DOCK9: variants seen among roughly 807,000 people sequenced by gnomAD.
DOCK9 encodes the protein dedicator of cytokinesis 9, also known as dedicator of cytokinesis protein 9.
Under a neutral mutation model 263.3 loss-of-function variants are expected in DOCK9, and 89 were observed. The observed-to-expected ratio is 0.34, with a 90% CI of 0.28 to 0.40. The LOEUF (loss-of-function observed/expected upper bound fraction) is 0.40. Ranked by LOEUF, DOCK9 falls within the 10% of genes least tolerant of loss-of-function variation. The probability of loss-of-function intolerance (pLI) is 1.00; values close to 1 mark genes in which losing one functional copy is unlikely to be tolerated. For synonymous variants in DOCK9, 976 were observed against 973.1 expected (o/e 1.00, Z -0.06); for missense variants, 2,140 against 2,603.4 (o/e 0.82, Z 3.87).
intron 35 of DOCK9, among the ~76,000 whole-genome samples, chr13:98,853,103 A>G (rs1444244994): frequency 6.6e-6 from 1 of 152,190 alleles, no homozygotes; most frequent in African/African-American, 2.4e-5. Context: ...ATGTGCTTCT[A>G]TCTCCTTTAG....
chr13:98,885,537 A>T (rs77230489), intron 20 of DOCK9, 171 bp downstream of exon 20: 28 of 223,892 alleles, frequency 1.3e-4, no homozygotes, highest in South Asian at 6.2e-4. Context: ...CTCAAAAATT[A>T]AAAAAAAAAA....
At chr13:99,017,398 A>G (rs1254431022) in intron 1 of DOCK9, among the ~76,000 whole-genome samples, 1 of 152,256 alleles carries the variant, frequency 6.6e-6, no homozygotes, top group African/African-American at 2.4e-5. Flanking sequence ...TAGCTTTAAA[A>G]GCAATAGTTC....
chr13:98,944,561 G>C (rs1443205570), intron 2 of DOCK9, among the ~76,000 whole-genome samples: 1 of 152,184 alleles, frequency 6.6e-6, no homozygotes, highest in Non-Finnish European at 1.5e-5. Flanking sequence ...CCATTACACT[G>C]TGTTCCATGT....
At position 98,923,283 on chromosome 13, in the gene DOCK9, C is replaced by T; in HGVS notation, c.486+19G>A. The stretch of plus-strand genomic sequence containing the variant: ...AAATCTAGAGTGAAAAGAGAAGCAA[C>T]AGCAAGCAGGTATCCCACCTCATCT... On this transcript the variant is annotated intron_variant, in intron 5 of 52. Coordinates refer to ENST00000682017, the MANE Select transcript of DOCK9 (RefSeq NM_001366683.2). 1 of 1,608,594 alleles carries T rather than the reference C, an allele frequency of 6.2e-7. No homozygotes were observed. Among genetic ancestry groups the T allele is most frequent in the Non-Finnish European group, 8.5e-7 (1 of 1,175,208 alleles).
intron 7 of DOCK9, among the ~76,000 whole-genome samples, chr13:98,919,922 AC>A (rs1328895587): frequency 6.6e-6 from 1 of 152,030 alleles, no homozygotes; most frequent in Non-Finnish European, 1.5e-5. Context: ...TTCTGCTTTC[AC>A]CCCCACTTTA....
At chr13:98,942,217 TA>T (rs1301643025) in intron 2 of DOCK9, among the ~76,000 whole-genome samples, 2 of 141,038 alleles carry the variant, frequency 1.4e-5, no homozygotes. Context: ...TGTCTCTGGT[TA>T]TGTTTTTTTT....
At chr13:99,062,754 C>T (rs1013172436) in intron 1 of DOCK9, among the ~76,000 whole-genome samples, 10 of 152,228 alleles carry the variant, frequency 6.6e-5, no homozygotes, top group African/African-American at 2.4e-4. Context: ...CCTTCAGAAT[C>T]CACCCCAGGG....
chr13:98,975,012 GC>G (rs2060098606), intron 1 of DOCK9, among the ~76,000 whole-genome samples: 1 of 152,152 alleles, frequency 6.6e-6, no homozygotes, highest in Admixed American at 6.5e-5. Flanking sequence ...CATTACTAAT[GC>G]AAACAATTAG....
intron 1 of DOCK9, among the ~76,000 whole-genome samples, chr13:98,993,618 G>T (rs558042825): frequency 6.6e-6 from 1 of 152,164 alleles, no homozygotes; most frequent in Non-Finnish European, 1.5e-5. Flanking sequence ...AGGTGGTGGC[G>T]GGCACCTGTA....
chr13:98,990,699 T>A (rs181520449), intron 1 of DOCK9, among the ~76,000 whole-genome samples: 60 of 152,300 alleles, frequency 3.9e-4, no homozygotes, highest in African/African-American at 1.4e-3. Context: ...AATCCCATGG[T>A]CAAGTTCTTT....
rs191302893 is a variant in DOCK9 at position 98,848,007 on chromosome 13, C to T, written c.4061+585G>A. On this transcript the variant is annotated intron_variant, in intron 37 of 52. Transcript: ENST00000682017. ...GTTCTGCACAGGAAAGTGGGAGTGA[C>T]GCTACTCACCAGGGAGTTCTGGCCA... Among the ~76,000 whole-genome samples, 192 of 152,256 alleles carry T rather than the reference C, an allele frequency of 1.3e-3. 1 individual carries two copies. Among genetic ancestry groups the T allele is most frequent in the African/African-American group, 4.4e-3 (181 of 41,540 alleles).
chr13:98,884,265 C>A (rs1442612063), intron 21 of DOCK9, among the ~76,000 whole-genome samples: 1 of 152,248 alleles, frequency 6.6e-6, no homozygotes, highest in African/African-American at 2.4e-5. Flanking sequence ...GCATAATATG[C>A]AGGCCTGGCA....
chr13:99,031,806 G>A (rs1443979737), intron 1 of DOCK9, among the ~76,000 whole-genome samples: 1 of 152,152 alleles, frequency 6.6e-6, no homozygotes, highest in Non-Finnish European at 1.5e-5. Context: ...GGAAGATGAG[G>A]AATTATTCCT....
chr13:98,953,606 G>T (rs2057691763), intron 2 of DOCK9, among the ~76,000 whole-genome samples: 1 of 152,218 alleles, frequency 6.6e-6, no homozygotes, highest in African/African-American at 2.4e-5. Context: ...CATACTTCAT[G>T]TTGAGAGAAA....
Position 98,898,215 on chromosome 13 carries a change from A to T in DOCK9, c.1550T>A (p.Leu517Gln). The change falls in exon 14 of 53, where the codon CTA becomes CAA. Residue 517 changes from leucine (L) to glutamine (Q), a missense_variant. Physicochemically the swap from Leu to Gln is moderately radical, Grantham distance 113 (BLOSUM62 -2). Around this residue, in one of 2 missense-constraint regions of DOCK9, gnomAD observed 1,521 missense variants for 1,741.7 expected, o/e 0.87. Coordinates refer to ENST00000682017, the MANE Select transcript of DOCK9 (RefSeq NM_001366683.2). ...LKNAKQACQR[L>Q]GQYRMPFAWA... ...AGCAAATGGCATTCTATACTGTCCT[A>T]GTCTTTGGCATGCCTGCTTGGCATT... The T allele has an allele frequency of 6.2e-7, 1 of 1,612,244 alleles. No homozygotes were observed. The highest frequency in any genetic ancestry group is 8.5e-7 in the Non-Finnish European group (1 of 1,179,192).
chr13:98,908,083 G>C (rs2049393266), intron 9 of DOCK9, among the ~76,000 whole-genome samples: 1 of 152,106 alleles, frequency 6.6e-6, no homozygotes, highest in Non-Finnish European at 1.5e-5. Flanking sequence ...CCTGGCTTCA[G>C]AGTCTAAACT....
At chr13:99,026,284 A>G (rs1055677719) in intron 1 of DOCK9, among the ~76,000 whole-genome samples, 3 of 152,238 alleles carry the variant, frequency 2.0e-5, no homozygotes, top group South Asian at 4.1e-4. Context: ...TATGAATCAT[A>G]TCCTGATAAA....
At chr13:98,907,815 A>C (rs2049355306) in intron 9 of DOCK9, among the ~76,000 whole-genome samples, 2 of 152,342 alleles carry the variant, frequency 1.3e-5, no homozygotes, top group South Asian at 4.1e-4. Context: ...AATGTGGTTC[A>C]GGGGTAGCAG....
intron 20 of DOCK9, chr13:98,885,317 A>G: frequency 1.6e-6 from 1 of 625,986 alleles, no homozygotes; most frequent in Non-Finnish European, 2.6e-6. Flanking sequence ...AAATGTACAT[A>G]TGCAGGCTGG....
Sources: allele counts gnomAD v4.1 joint callset (sites outside exome capture counted in the v4.1 genomes callset), GRCh38; gene constraint gnomAD v4.1.1; regional missense constraint gnomAD v4.1.1; transcripts MANE v1.5; gene names NCBI Gene and HGNC (gene_info 2026-07-23, HGNC 2026-07-21).